Variants in WNK1 observed in about 807,000 individuals in gnomAD.
WNK1 encodes WNK lysine deficient protein kinase 1.
A neutral mutation model predicts 222.8 loss-of-function variants in WNK1; 38 were observed. The ratio of observed to expected loss-of-function variants is 0.17; its 90% CI spans 0.13 to 0.22. The LOEUF (loss-of-function observed/expected upper bound fraction) is 0.22. Among genes scored for constraint, WNK1 ranks in the 10% least tolerant of loss-of-function variants. The pLI, the probability that WNK1 is intolerant of heterozygous loss-of-function variation, is 1.00. For synonymous variants in WNK1, 1,090 were observed against 1,092.9 expected (o/e 1.00, Z 0.05); for missense variants, 2,348 against 2,918.4 (o/e 0.80, Z 4.50).
In WNK1 at chr12:884,250, G is replaced by A. The variant is rs1483065280; in HGVS notation, c.3844+7G>A. On this transcript the variant is annotated splice_region_variant and intron_variant, in intron 18 of 27. Transcript: ENST00000315939. This position sits in a 1 kb window ranked among gnomAD's most constrained non-coding sequence, Gnocchi z 5.6. Reference sequence around the variant, plus strand: ...AGTGAAATAACAGATACAGGTAAGGGATTGATTCTGCCACATTGTTATGTA... The same window carrying A: ...AGTGAAATAACAGATACAGGTAAGGAATTGATTCTGCCACATTGTTATGTA... 1 of 1,613,960 alleles carries A rather than the reference G, an allele frequency of 6.2e-7. No individual in the cohort carries two copies. The highest frequency in any genetic ancestry group is 1.7e-5 in the Admixed American group (1 of 60,012).
At chr12:856,673 T>C (rs1471585821) in intron 4 of WNK1, among the ~76,000 whole-genome samples, 1 of 152,196 alleles carries the variant, frequency 6.6e-6, no homozygotes, top group African/African-American at 2.4e-5. Flanking sequence ...ACCAAAACAA[T>C]ATAAATCCTC....
chr12:827,033 T>C lies in WNK1; in HGVS notation c.933-9T>C. ...TGATAACTTGTTTGGTATACTTTGCTTTTTCTAGGTATCTGAAAAGGTTTA... is the reference window on the plus strand; with the variant it reads ...TGATAACTTGTTTGGTATACTTTGCCTTTTCTAGGTATCTGAAAAGGTTTA... On this transcript the variant is annotated splice_polypyrimidine_tract_variant and intron_variant, in intron 2 of 27. Transcript: ENST00000315939. The surrounding 1 kb of genome is among the most constrained non-coding windows in gnomAD (Gnocchi z 4.6). The C allele has an allele frequency of 6.2e-7, 1 of 1,612,272 alleles. No homozygotes were observed. Among genetic ancestry groups the C allele is most frequent in the East Asian group, 2.2e-5 (1 of 44,886 alleles).
chr12:753,858 T>G lies in WNK1; in HGVS notation c.293T>G (p.Leu98Arg). 6.2e-7 allele frequency: 1 copy of G among 1,612,536 alleles called. No individual in the cohort carries two copies. The highest frequency in any genetic ancestry group is 8.5e-7 in the Non-Finnish European group (1 of 1,179,888). ...SNATALELPG[L>R]PLSLPQPSIP... ...GCCACTGCACTGGAGCTTCCCGGCC[T>G]TCCTCTTTCCCTGCCCCAGCCCAGC... is the stretch of plus-strand genomic sequence containing the variant. The change falls in exon 1 of 28, where the codon CTT (leucine) becomes CGT (arginine). Residue 98 changes from leucine (L) to arginine (R), a missense_variant. Transcript: ENST00000315939. This position sits in a 1 kb window ranked among gnomAD's most constrained non-coding sequence, Gnocchi z 5.2.
intron 1 of WNK1, among the ~76,000 whole-genome samples, chr12:784,054 C>T (rs1170617929): frequency 1.1e-4 from 10 of 88,884 alleles, no homozygotes; most frequent in Admixed American, 9.2e-4. Flanking sequence ...ATGCTGTCTC[C>T]ACCAAAAAAA....
intron 8 of WNK1, chr12:869,191 A>G: frequency 6.5e-7 from 1 of 1,538,652 alleles, no homozygotes; most frequent in Middle Eastern, 1.7e-4. Flanking sequence ...TCCCTGAATC[A>G]TGGATTTTGG....
chr12:792,017 G>A (rs1944888496), intron 1 of WNK1, among the ~76,000 whole-genome samples: 1 of 152,146 alleles, frequency 6.6e-6, no homozygotes, highest in Non-Finnish European at 1.5e-5. Flanking sequence ...CTGTTGGTCA[G>A]CCTTCCTGCC....
At position 908,601 on chromosome 12, in the gene WNK1, A is replaced by G. The variant is rs144574284; in HGVS notation, c.6958A>G (p.Met2320Val). The part of the protein sequence containing the change: ...ATSLGHFTKS[M>V]CPPQQYGFPA... The stretch of plus-strand genomic sequence containing the variant: ...CTCTCTAGGTCACTTCACCAAGTCT[A>G]TGTGCCCCCCACAGCAGTATGGCTT... Residue 2320 changes from methionine to valine, a missense_variant, in exon 28 of 28, where the codon ATG becomes GTG. Coordinates refer to ENST00000315939, the MANE Select transcript of WNK1 (RefSeq NM_018979.4). 3.5e-5 allele frequency: 56 copies of G among 1,614,118 alleles called. 1 individual carries two copies. The Admixed American group carries it at 5.0e-4, about 14-fold the overall frequency.
intron 1 of WNK1, among the ~76,000 whole-genome samples, chr12:770,628 A>T (rs1043321658): frequency 5.3e-5 from 8 of 152,172 alleles, no homozygotes; most frequent in Non-Finnish European, 8.8e-5. Context: ...AAAATATCTT[A>T]ATACCTTCCT....
At chr12:851,118 C>T (rs1342614646) in intron 4 of WNK1, among the ~76,000 whole-genome samples, 2 of 152,174 alleles carry the variant, frequency 1.3e-5, no homozygotes, top group Non-Finnish European at 2.9e-5. Flanking sequence ...TGGTCCAGGT[C>T]ATGCAAACAT....
chr12:878,471 T>C, intron 10 of WNK1, 110 bp downstream of exon 10: 1 of 1,286,196 alleles, frequency 7.8e-7, no homozygotes, highest in East Asian at 2.5e-5. Flanking sequence ...CTACCTTTTC[T>C]TCTAAGGGTA....
chr12:896,458 G>A lies in WNK1; in HGVS notation c.5971G>A (p.Ala1991Thr). The change falls in exon 24 of 28, where the codon GCT becomes ACT. Residue 1991 changes from alanine to threonine, a missense_variant. By Grantham distance (58) the Ala-to-Thr change is moderately conservative (BLOSUM62 0). Around this residue, in one of 13 missense-constraint regions of WNK1, gnomAD observed 1,144 missense variants for 1,273.6 expected, o/e 0.90. Coordinates refer to ENST00000315939, the MANE Select transcript of WNK1 (RefSeq NM_018979.4). ...GGATTTGGAACAAGCTGTTCTTCCT[G>A]CTGTGATACCAAAGAAAGAGAAGCC... ...FMDLEQAVLP[A>T]VIPKKEKPEL... 6.2e-7 allele frequency: 1 copy of A among 1,613,946 alleles called. No homozygotes were observed. Among genetic ancestry groups the A allele is most frequent in the Non-Finnish European group, 8.5e-7 (1 of 1,179,996 alleles).
Position 753,199 on chromosome 12 carries a change from G to T in WNK1, c.-367G>T, listed in dbSNP as rs1184585001. On this transcript the variant is annotated 5_prime_UTR_variant, in exon 1 of 28. Coordinates refer to ENST00000315939, the MANE Select transcript of WNK1 (RefSeq NM_018979.4). This position sits in a 1 kb window ranked among gnomAD's most constrained non-coding sequence, Gnocchi z 5.2. ...CGTCCGCCGCATCCGCCTCGACTCGGTGCCGGCCCCTGGCCCTCCCCTCAT... is the reference window on the plus strand; with the variant it reads ...CGTCCGCCGCATCCGCCTCGACTCGTTGCCGGCCCCTGGCCCTCCCCTCAT... 2 of 201,832 alleles carry T rather than the reference G, an allele frequency of 9.9e-6. No individual in the cohort carries two copies. Among genetic ancestry groups the T allele is most frequent in the African/African-American group, 4.7e-5 (2 of 42,710 alleles). The allele number at this position is 201,832 out of a possible 1,614,324, so 12.5% of individuals were successfully genotyped here.
intron 1 of WNK1, among the ~76,000 whole-genome samples, chr12:777,298 T>C (rs1249877089): frequency 1.3e-5 from 2 of 151,910 alleles, no homozygotes; most frequent in Non-Finnish European, 2.9e-5. Flanking sequence ...TAGCTGGGAC[T>C]ACAGGTGCAC....
Position 880,758 on chromosome 12 carries a change from AT to A in WNK1, c.2872del (p.Ser958GlnfsTer47). 6.2e-7 allele frequency: 1 copy of A among 1,613,164 alleles called. No homozygotes were observed. Among genetic ancestry groups the A allele is most frequent in the Non-Finnish European group, 8.5e-7 (1 of 1,179,882 alleles). ...CGACTGCCACCACAGTACCCAGGAG[AT>A]TCAAATATTGCTCCCTCTTCCAACG... ...PPRLPPQYPG[D>X]SNIAPSSNVA... is the part of the protein sequence containing the mutation. On this transcript the variant is annotated frameshift_variant, in exon 12 of 28. Transcript: ENST00000315939. LOFTEE classifies it high-confidence loss of function.
rs555296065 is a variant in WNK1, at chr12:906,128, G to A, written c.6644-1719G>A. Among the ~76,000 whole-genome samples the A allele has an allele frequency of 3.9e-5, 6 of 152,276 alleles. No individual in the cohort carries two copies. The South Asian group carries it at 6.2e-4, about 16-fold the overall frequency. On this transcript the variant is annotated intron_variant, in intron 26 of 27. Coordinates refer to ENST00000315939, the MANE Select transcript of WNK1 (RefSeq NM_018979.4). ...GCTTTGACCTTGAAAGCAGGATAAC[G>A]CATGCACTTACTTACCCCCGCATTA...
intron 1 of WNK1, among the ~76,000 whole-genome samples, chr12:802,032 A>G (rs1945930182): frequency 6.6e-6 from 1 of 152,172 alleles, no homozygotes; most frequent in South Asian, 2.1e-4. Flanking sequence ...GCATGTAAGA[A>G]TATTAGTAAA....
intron 1 of WNK1, among the ~76,000 whole-genome samples, chr12:791,788 CTA>C (rs1393262990): frequency 6.6e-6 from 1 of 151,938 alleles, no homozygotes; most frequent in Admixed American, 6.6e-5. Flanking sequence ...TTTTTTATCT[CTA>C]ATCTTAAATT....
intron 1 of WNK1, among the ~76,000 whole-genome samples, chr12:787,626 A>T (rs1437701505): frequency 2.0e-5 from 3 of 152,024 alleles, no homozygotes; most frequent in East Asian, 3.8e-4. Context: ...CTGTGTGTTT[A>T]AAAAAAATCT....
chr12:875,790 T>C (rs547885681), intron 9 of WNK1, among the ~76,000 whole-genome samples: 1 of 152,358 alleles, frequency 6.6e-6, no homozygotes, highest in East Asian at 1.9e-4. Context: ...CTGGTGTCTT[T>C]ACCTATGTAG....
Sources: gnomAD v4.1 joint callset for allele counts (sites outside exome capture counted in the v4.1 genomes callset) on GRCh38, gnomAD v4.1.1 for gene constraint, gnomAD v4.1.1 regional missense constraint, Gnocchi (gnomAD v3.1) non-coding constraint, MANE v1.5 for transcripts, NCBI Gene and HGNC (gene_info 2026-07-23, HGNC 2026-07-21) for gene names.